The following SHMT2 variants were observed in gnomAD, a reference collection of about 807,000 sequenced individuals.
SHMT2 encodes the protein serine hydroxymethyltransferase, mitochondrial.
In SHMT2, 38 loss-of-function variants were observed where a neutral mutation model predicts 59.6. The ratio of observed to expected loss-of-function variants is 0.64; its 90% CI spans 0.49 to 0.84. The LOEUF (loss-of-function observed/expected upper bound fraction) is 0.84, where lower values mean the gene tolerates loss of function less well. Among genes scored for constraint, SHMT2 ranks in the 40% least tolerant of loss-of-function variants. SHMT2 has a pLI of 0.00. For missense variants in SHMT2, 533 were observed against 659.5 expected (o/e 0.81, Z 2.10); for synonymous variants, 254 against 258.1 (o/e 0.98, Z 0.15).
intron 3 of SHMT2, 45 bp downstream of exon 3, chr12:57,231,605 G>A: frequency 6.2e-7 from 1 of 1,611,774 alleles, no homozygotes; most frequent in Non-Finnish European, 8.5e-7. Flanking sequence ...CCCAGTGGGG[G>A]AACCCACCTG....
chr12:57,232,962 A>G, intron 7 of SHMT2, 119 bp downstream of exon 7: 1 of 1,383,388 alleles, frequency 7.2e-7, no homozygotes, highest in Non-Finnish European at 9.8e-7. Context: ...ACTCCTGCCC[A>G]GTCTGTGAGA....
In SHMT2 at chr12:57,230,840, T is replaced by C. The variant is rs138045473; in HGVS notation, c.71T>C (p.Ile24Thr). The C allele has an allele frequency of 5.3e-5, 86 of 1,614,094 alleles. No individual in the cohort carries two copies. In the East Asian group the frequency reaches 1.8e-3, roughly 34 times the overall value. ...TGTGGGCAGCTGGTCAGGATGGCCA[T>C]TCGGGCTCAGCACAGCAACGCAGCC... Reference protein sequence around the residue: ...QRCGQLVRMAIRAQHSNAAQT... With the variant: ...QRCGQLVRMATRAQHSNAAQT... Residue 24 changes from isoleucine to threonine, a missense_variant, in exon 2 of 12, where the codon ATT (isoleucine) becomes ACT (threonine). Coordinates refer to ENST00000328923, the MANE Select transcript of SHMT2 (RefSeq NM_005412.6).
rs768606967 is a variant in SHMT2 at position 57,232,856 on chromosome 12, G to A, written c.857+13G>A. The A allele has an allele frequency of 1.9e-6, 3 of 1,600,796 alleles. No individual in the cohort carries two copies. Among genetic ancestry groups the A allele is most frequent in the Non-Finnish European group, 2.6e-6 (3 of 1,169,118 alleles). Reference sequence around the variant, plus strand: ...TTCGAGGGGCCAGGTCAGGCTCCCTGAGGTCGGGCCTTGCCTTTCCCTGCC... The same window carrying A: ...TTCGAGGGGCCAGGTCAGGCTCCCTAAGGTCGGGCCTTGCCTTTCCCTGCC... On this transcript the variant is annotated intron_variant, in intron 7 of 11. Coordinates refer to ENST00000328923, the MANE Select transcript of SHMT2 (RefSeq NM_005412.6).
chr12:57,231,459 A>C (rs769923245), intron 2 of SHMT2, 22 bp from the exon 3 acceptor site: 20 of 1,612,076 alleles, frequency 1.2e-5, no homozygotes, highest in Non-Finnish European at 1.7e-5. Flanking sequence ...ATACCTTCTG[A>C]CATTGCCCCC....
chr12:57,231,425 T>C, intron 2 of SHMT2, 56 bp from the exon 3 acceptor site: 1 of 1,563,526 alleles, frequency 6.4e-7, no homozygotes, highest in Non-Finnish European at 8.8e-7. Context: ...GGAGGGACTG[T>C]GGGAGTCCAG....
In SHMT2 at chr12:57,232,558, T is replaced by C; in HGVS notation, c.700T>C (p.Tyr234His). Reference sequence around the variant, plus strand: ...CAGCGCCTATGCTCGCCTCATTGACTACGCCCGCATGAGAGAGGTTGGTGG... The same window carrying C: ...CAGCGCCTATGCTCGCCTCATTGACCACGCCCGCATGAGAGAGGTTGGTGG... ...GTSAYARLID[Y>H]ARMREVCDEV... Residue 234 changes from tyrosine (Y) to histidine (H), a missense_variant, in exon 6 of 12, where the codon TAC becomes CAC. Transcript: ENST00000328923. The C allele has an allele frequency of 1.2e-6, 2 of 1,614,148 alleles. No individual in the cohort carries two copies. The highest frequency in any genetic ancestry group is 2.2e-5 in the South Asian group (2 of 91,088).
In SHMT2 at chr12:57,233,381, A is replaced by G. The variant is rs181934212; in HGVS notation, c.1023+36A>G. ...CTGTCTTTGTAGGGTGTGGGGGGGC[A>G]ATGGCCTGGAGGCTTAGACCCTGCA... is the stretch of plus-strand genomic sequence containing the variant. On this transcript the variant is annotated intron_variant, in intron 8 of 11. Coordinates refer to ENST00000328923, the MANE Select transcript of SHMT2 (RefSeq NM_005412.6). 1.5e-5 allele frequency: 24 copies of G among 1,560,430 alleles called. No individual in the cohort carries two copies. In the East Asian group the frequency reaches 4.7e-4, roughly 31 times the overall value.
At position 57,229,794 on chromosome 12, in the gene SHMT2, T is replaced by C. The variant is rs143150683; in HGVS notation, c.16T>C (p.Leu6=). Residue 6 remains leucine (L), a synonymous_variant, in exon 1 of 12, where the codon TTG becomes CTG. Coordinates refer to ENST00000328923, the MANE Select transcript of SHMT2 (RefSeq NM_005412.6). The part of the protein sequence containing the change: MLYFS[L]FWAARPLQRC... ...CCGAGTTGCGATGCTGTACTTCTCTTTGTTTTGGGCGGCTCGGGTAAGAAT... is the reference window on the plus strand; with the variant it reads ...CCGAGTTGCGATGCTGTACTTCTCTCTGTTTTGGGCGGCTCGGGTAAGAAT... The C allele has an allele frequency of 4.8e-5, 77 of 1,614,076 alleles. No homozygotes were observed. Among genetic ancestry groups the C allele is most frequent in the Non-Finnish European group, 5.8e-5 (69 of 1,179,998 alleles).
At chr12:57,231,986 C>A in intron 4 of SHMT2, 73 bp downstream of exon 4, 3 of 1,460,982 alleles carry the variant, frequency 2.1e-6, no homozygotes, top group South Asian at 1.2e-5. Flanking sequence ...TATTGAATAC[C>A]TACTGTGGAC....
At chr12:57,231,300 G>C in intron 2 of SHMT2, 181 bp from the exon 3 acceptor site, 1 of 675,248 alleles carries the variant, frequency 1.5e-6, no homozygotes. Context: ...AGGGGCCACT[G>C]CTCATGGCAG....
In SHMT2 at chr12:57,233,299, GC is replaced by G; in HGVS notation, c.982del (p.His328ThrfsTer8). The G allele has an allele frequency of 1.9e-6, 3 of 1,601,518 alleles. No individual in the cohort carries two copies. Among genetic ancestry groups the G allele is most frequent in the South Asian group, 1.1e-5 (1 of 89,852 alleles). On this transcript the variant is annotated frameshift_variant, in exon 8 of 12. Transcript: ENST00000328923. LOFTEE classifies it high-confidence loss of function. ...NFAVFPSLQG[G>X]PHNHAIAAVA... ...GCCGTGTTCCCATCCCTGCAGGGGGGCCCCCACAATCATGCCATTGCTGCAG... is the reference window on the plus strand; with the variant it reads ...GCCGTGTTCCCATCCCTGCAGGGGGGCCCCACAATCATGCCATTGCTGCAG...
rs2037354135 is a variant in SHMT2, at chr12:57,232,291, A to G, written c.593A>G (p.Asn198Ser). ...IFFESMPYKLNPKTGLIDYNQ... is the reference protein window; with the variant it reads ...IFFESMPYKLSPKTGLIDYNQ... ...TTCGAGTCTATGCCCTATAAGCTCA[A>G]CGTGAGTGCTCTAGGGTGTGGGGAG... Residue 198 changes from asparagine (N) to serine (S), a missense_variant and splice_region_variant, in exon 5 of 12, where the codon AAC becomes AGC. Physicochemically the swap from Asn to Ser is conservative, Grantham distance 46. Coordinates refer to ENST00000328923, the MANE Select transcript of SHMT2 (RefSeq NM_005412.6). 1.2e-6 allele frequency: 2 copies of G among 1,614,078 alleles called. No homozygotes were observed. The highest frequency in any genetic ancestry group is 2.2e-5 in the East Asian group (1 of 44,868).
chr12:57,230,041 C>A, intron 1 of SHMT2: 2 of 1,417,272 alleles, frequency 1.4e-6, no homozygotes, highest in African/African-American at 2.9e-5. Context: ...CTCGTGACCG[C>A]CCATTTCACG....
At chr12:57,231,144 G>C in intron 2 of SHMT2, 144 bp downstream of exon 2, 1 of 837,422 alleles carries the variant, frequency 1.2e-6, no homozygotes, top group Non-Finnish European at 1.9e-6. Flanking sequence ...TCTCCCTCAA[G>C]CAAAGGCAGT....
rs778817041 is a variant in SHMT2 at position 57,232,712 on chromosome 12, T to C, written c.726T>C (p.Asp242=). The part of the protein sequence containing the change: ...IDYARMREVC[D]EVKAHLLADM... Reference sequence around the variant, plus strand: ...CCTCTGTACCTGCCCAGGTGTGTGATGAAGTCAAAGCACACCTGCTGGCAG... The same window carrying C: ...CCTCTGTACCTGCCCAGGTGTGTGACGAAGTCAAAGCACACCTGCTGGCAG... The change falls in exon 7 of 12, where the codon GAT becomes GAC. Residue 242 remains aspartate, a synonymous_variant. Transcript: ENST00000328923. The C allele has an allele frequency of 6.2e-7, 1 of 1,607,260 alleles. No homozygotes were observed. The highest frequency in any genetic ancestry group is 8.5e-7 in the Non-Finnish European group (1 of 1,174,442).
Position 57,233,232 on chromosome 12 carries a change from G to A in SHMT2, c.910G>A (p.Gly304Ser). The A allele has an allele frequency of 6.2e-7, 1 of 1,606,166 alleles. No individual in the cohort carries two copies. The highest frequency in any genetic ancestry group is 8.5e-7 in the Non-Finnish European group (1 of 1,175,244). Reference sequence around the variant, plus strand: ...GGTGAAGGCTGTGGACCCCAAGACTGGCCGGGAGATCCCTTACACATTTGA... The same window carrying A: ...GGTGAAGGCTGTGGACCCCAAGACTAGCCGGGAGATCCCTTACACATTTGA... Reference protein sequence around the residue: ...KGVKAVDPKTGREIPYTFEDR... With the variant: ...KGVKAVDPKTSREIPYTFEDR... Residue 304 changes from glycine (G) to serine (S), a missense_variant, in exon 8 of 12, where the codon GGC (glycine) becomes AGC (serine). Gly to Ser is a moderately conservative substitution (Grantham distance 56). Coordinates refer to ENST00000328923, the MANE Select transcript of SHMT2 (RefSeq NM_005412.6).
intron 7 of SHMT2, 148 bp downstream of exon 7, chr12:57,232,991 A>G: frequency 2.4e-6 from 3 of 1,276,316 alleles, no homozygotes; most frequent in Non-Finnish European, 3.2e-6. Context: ...TCTCTTGCCC[A>G]TGGTGGCCAT....
chr12:57,233,000 A>T, intron 7 of SHMT2, 157 bp downstream of exon 7: 1 of 1,268,268 alleles, frequency 7.9e-7, no homozygotes, highest in Non-Finnish European at 1.1e-6. Flanking sequence ...CATGGTGGCC[A>T]TGCCCTGGCA....
At position 57,234,392 on chromosome 12, in the gene SHMT2, A is replaced by G. The variant is rs766301585; in HGVS notation, c.*31A>G. 1 of 1,547,114 alleles carries G rather than the reference A, an allele frequency of 6.5e-7. No homozygotes were observed. Among genetic ancestry groups the G allele is most frequent in the Non-Finnish European group, 8.7e-7 (1 of 1,147,310 alleles). ...CCTGGGAAATGAGGCCCACAGACTC[A>G]AAGTTACTCTCCTTCCCCCTACCTG... On this transcript the variant is annotated 3_prime_UTR_variant, in exon 12 of 12. Coordinates refer to ENST00000328923, the MANE Select transcript of SHMT2 (RefSeq NM_005412.6).
Sources: allele counts gnomAD v4.1 joint callset, GRCh38; gene constraint gnomAD v4.1.1; transcripts MANE v1.5; gene names NCBI Gene and HGNC (gene_info 2026-07-23, HGNC 2026-07-21).